The following PTPRE variants were observed in gnomAD, a reference collection of about 807,000 sequenced individuals.
PTPRE encodes the protein receptor-type tyrosine-protein phosphatase epsilon.
A neutral mutation model predicts 102.0 loss-of-function variants in PTPRE; 51 were observed. The observed-to-expected ratio is 0.50, with a 90% CI of 0.40 to 0.63. PTPRE has a LOEUF of 0.63. Ranked by LOEUF, PTPRE falls within the 30% of genes least tolerant of loss-of-function variation. PTPRE has a pLI of 0.00. For synonymous variants in PTPRE, 345 were observed against 348.2 expected, an observed-to-expected ratio of 0.99 and a Z score of 0.10; for missense variants, 752 against 915.1, an observed-to-expected ratio of 0.82 and a Z score of 2.30.
intron 1 of PTPRE, among the ~76,000 whole-genome samples, chr10:127,932,537 G>T (rs189800000): frequency 6.6e-6 from 1 of 152,178 alleles, no homozygotes; most frequent in Admixed American, 6.5e-5. Context: ...CGCATGGCAC[G>T]CAGGCTCATC....
At position 128,070,513 on chromosome 10, in the gene PTPRE, G is replaced by T; in HGVS notation, c.1293+63G>T. Reference sequence around the variant, plus strand: ...GCAGCCAAGGGCACGAGGAAAACAGGTGACCATTTAAAGGAAGCCTCTTTC... The same window carrying T: ...GCAGCCAAGGGCACGAGGAAAACAGTTGACCATTTAAAGGAAGCCTCTTTC... On this transcript the variant is annotated intron_variant, in intron 14 of 20. Coordinates refer to ENST00000254667, the MANE Select transcript of PTPRE (RefSeq NM_006504.6). This position sits in a 1 kb window ranked among gnomAD's most constrained non-coding sequence, Gnocchi z 4.8. 2 of 1,562,726 alleles carry T rather than the reference G, an allele frequency of 1.3e-6. No individual in the cohort carries two copies. Among genetic ancestry groups the T allele is most frequent in the African/African-American group, 1.4e-5 (1 of 73,770 alleles).
At chr10:128,065,593 A>G (rs1337672480) in intron 10 of PTPRE, among the ~76,000 whole-genome samples, 1 of 152,088 alleles carries the variant, frequency 6.6e-6, no homozygotes, top group Non-Finnish European at 1.5e-5. Flanking sequence ...TAGGTTCATC[A>G]CTCTTGAATG....
intron 1 of PTPRE, chr10:127,934,020 C>CTG (rs1554893023): frequency 4.8e-5 from 5 of 104,586 alleles, no homozygotes; most frequent in African/African-American, 2.1e-4. Flanking sequence ...CCCCCACCCC[C>CTG]CGCGCACACA....
At chr10:128,014,499 T>A (rs2135638758) in intron 2 of PTPRE, among the ~76,000 whole-genome samples, 1 of 152,242 alleles carries the variant, frequency 6.6e-6, no homozygotes, top group African/African-American at 2.4e-5. Flanking sequence ...ATTAGATATT[T>A]ACACAAGAGA....
intron 15 of PTPRE, chr10:128,071,200 T>C: frequency 4.6e-6 from 2 of 434,718 alleles, no homozygotes; most frequent in Non-Finnish European, 8.4e-6. Flanking sequence ...TCACAGAAGC[T>C]GGAGATTTGC....
intron 3 of PTPRE, among the ~76,000 whole-genome samples, chr10:128,043,421 G>A (rs1021832725): frequency 4.1e-4 from 62 of 152,280 alleles, no homozygotes; most frequent in African/African-American, 1.3e-3. Context: ...ATCTAATGCC[G>A]CTGCTGATCT....
At chr10:128,022,080 T>A (rs1845935096) in intron 2 of PTPRE, among the ~76,000 whole-genome samples, 1 of 152,236 alleles carries the variant, frequency 6.6e-6, no homozygotes, top group African/African-American at 2.4e-5. Flanking sequence ...ACAAATTGAT[T>A]TTCTGACACA....
At chr10:127,914,174 G>T (rs538921890) in intron 1 of PTPRE, among the ~76,000 whole-genome samples, 3 of 152,276 alleles carry the variant, frequency 2.0e-5, no homozygotes, top group Admixed American at 1.3e-4. Flanking sequence ...TCACTGTGTG[G>T]CATGCTGGCT....
At position 128,050,414 on chromosome 10, in the gene PTPRE, A is replaced by ATGGATGGATGGATGGATGGG. The variant is rs1848478225; in HGVS notation, c.420+759_420+778dup. On this transcript the variant is annotated intron_variant, in intron 6 of 20. Coordinates refer to ENST00000254667, the MANE Select transcript of PTPRE (RefSeq NM_006504.6). ...TATGGATGGATGAGTGGGAGGGCAG[A>ATGGATGGATGGATGGATGGG]TGGATGGATGGATGGATGGGTGGAT... Among the ~76,000 whole-genome samples the ATGGATGGATGGATGGATGGG allele has an allele frequency of 7.4e-5, 11 of 147,978 alleles. No individual in the cohort carries two copies. The South Asian group carries it at 2.4e-3, about 33-fold the overall frequency.
In PTPRE at chr10:127,957,856, A is replaced by T. The variant is rs571356206; in HGVS notation, c.-30-24418A>T. Reference sequence around the variant, plus strand: ...ACACGGAATGTCTCTCCATTTATTTAGTTGTTATTTGATTTCTTTCATCAG... The same window carrying T: ...ACACGGAATGTCTCTCCATTTATTTTGTTGTTATTTGATTTCTTTCATCAG... On this transcript the variant is annotated intron_variant, in intron 1 of 20. Coordinates refer to ENST00000254667, the MANE Select transcript of PTPRE (RefSeq NM_006504.6). Among the ~76,000 whole-genome samples, 5 of 152,340 alleles carry T rather than the reference A, an allele frequency of 3.3e-5. No individual in the cohort carries two copies. The South Asian group carries it at 1.0e-3, about 32-fold the overall frequency.
At chr10:128,067,178 A>G (rs1469190154) in intron 11 of PTPRE, among the ~76,000 whole-genome samples, 2 of 141,712 alleles carry the variant, frequency 1.4e-5, no homozygotes, top group Non-Finnish European at 3.1e-5. Context: ...ACACATGCAC[A>G]CATTCACACA....
intron 2 of PTPRE, among the ~76,000 whole-genome samples, chr10:127,993,961 G>A (rs1192753943): frequency 6.6e-6 from 1 of 152,206 alleles, no homozygotes; most frequent in African/African-American, 2.4e-5. Flanking sequence ...CAAGAACCCA[G>A]CGGGATGGAG....
Position 128,070,734 on chromosome 10 carries a change from C to G in PTPRE, c.1294-74C>G, listed in dbSNP as rs1007744596. The stretch of plus-strand genomic sequence containing the variant: ...TGAGCAGGCGTCCTTGCCAGCAGCA[C>G]TAGTCCTCGGCTGAGCAATGTGCTC... On this transcript the variant is annotated intron_variant, in intron 14 of 20. Coordinates refer to ENST00000254667, the MANE Select transcript of PTPRE (RefSeq NM_006504.6). This position sits in a 1 kb window ranked among gnomAD's most constrained non-coding sequence, Gnocchi z 4.8. The G allele has an allele frequency of 6.7e-7, 1 of 1,488,892 alleles. No individual in the cohort carries two copies. Among genetic ancestry groups the G allele is most frequent in the African/African-American group, 1.4e-5 (1 of 72,344 alleles). The allele number at this position is 1,488,892 out of a possible 1,614,324, so 92.2% of individuals were successfully genotyped here.
intron 6 of PTPRE, among the ~76,000 whole-genome samples, chr10:128,053,273 G>T (rs1227625603): frequency 6.6e-6 from 1 of 152,058 alleles, no homozygotes; most frequent in Non-Finnish European, 1.5e-5. Flanking sequence ...GTTAAAAAAG[G>T]AAAGAAATGA....
chr10:127,941,640 C>T (rs910498563), intron 1 of PTPRE, among the ~76,000 whole-genome samples: 8 of 152,218 alleles, frequency 5.3e-5, no homozygotes, highest in African/African-American at 1.7e-4. Flanking sequence ...ATTTCCTAGC[C>T]GCACTTGGTT....
Position 127,923,616 on chromosome 10 carries a change from C to T in PTPRE, c.-31+16307C>T, listed in dbSNP as rs370124380. Among the ~76,000 whole-genome samples the T allele has an allele frequency of 5.9e-5, 9 of 152,134 alleles. No individual in the cohort carries two copies. In the East Asian group the frequency reaches 1.2e-3, roughly 20 times the overall value. On this transcript the variant is annotated intron_variant, in intron 1 of 20. Transcript: ENST00000254667. The stretch of plus-strand genomic sequence containing the variant: ...ACTGGGTTTCACCACGTTGGTCAGG[C>T]TGGTCTCGAACTCCTGACCTCGTGA...
rs929929590 is a variant in PTPRE, at chr10:128,085,693, T to C, written c.*2787T>C. Reference sequence around the variant, plus strand: ...ACTTATGTGCAGTCTTTATAATGTATGTATGTTATTACAGTTTCAACTATC... The same window carrying C: ...ACTTATGTGCAGTCTTTATAATGTACGTATGTTATTACAGTTTCAACTATC... On this transcript the variant is annotated 3_prime_UTR_variant, in exon 21 of 21. Transcript: ENST00000254667. 1 of 152,636 alleles carries C rather than the reference T, an allele frequency of 6.6e-6. No homozygotes were observed. Among genetic ancestry groups the C allele is most frequent in the South Asian group, 2.1e-4 (1 of 4,832 alleles). 9.5% of individuals were successfully genotyped at this position (152,636 alleles called of 1,614,324 possible). A position where few individuals can be genotyped will look rare whatever the true frequency, so the allele number is the denominator to read the frequency against.
At chr10:128,056,754 G>A (rs1849001550) in intron 7 of PTPRE, among the ~76,000 whole-genome samples, 3 of 152,126 alleles carry the variant, frequency 2.0e-5, no homozygotes, top group Admixed American at 1.3e-4. Context: ...GTGGGCATGG[G>A]CTGGGGAGCG....
At chr10:127,985,090 AG>A (rs1851972185) in intron 2 of PTPRE, among the ~76,000 whole-genome samples, 1 of 152,254 alleles carries the variant, frequency 6.6e-6, no homozygotes, top group African/African-American at 2.4e-5. Flanking sequence ...CACCTTGGGC[AG>A]GGCGGCTAAG....
Sources: gnomAD v4.1 joint callset for allele counts (sites outside exome capture counted in the v4.1 genomes callset) on GRCh38, gnomAD v4.1.1 for gene constraint, Gnocchi (gnomAD v3.1) non-coding constraint, MANE v1.5 for transcripts, NCBI Gene and HGNC (gene_info 2026-07-23, HGNC 2026-07-21) for gene names.